The following CLCN4 variants were observed in gnomAD, a reference collection of about 807,000 sequenced individuals.
CLCN4 encodes the protein Cl-/H+ antiporter 4.
In CLCN4, 1 loss-of-function variant was observed where a neutral mutation model predicts 41.7. That is an observed-to-expected ratio of 0.02 (90% CI 0.01 to 0.11). The LOEUF (loss-of-function observed/expected upper bound fraction) is 0.11. CLCN4 is among the 10% of genes least tolerant of loss of function. CLCN4 has a pLI of 1.00. For synonymous variants in CLCN4, 277 were observed against 285.8 expected, an observed-to-expected ratio of 0.97 and a Z score of 0.31; for missense variants, 287 against 661.0, an observed-to-expected ratio of 0.43 and a Z score of 6.20.
At chrX:10,174,307 G>T (rs1923463629) in intron 2 of CLCN4, among the ~76,000 whole-genome samples, 1 of 112,258 alleles carries the variant, frequency 8.9e-6, no homozygotes. Context: ...GGCCAGATTG[G>T]GTTCTGTGCC....
intron 11 of CLCN4, among the ~76,000 whole-genome samples, chrX:10,215,222 T>C (rs1602161567): frequency 8.9e-6 from 1 of 112,299 alleles, no homozygotes; most frequent in East Asian, 2.8e-4. Flanking sequence ...AGGCAACTGC[T>C]TACTTCTCTC....
At position 10,216,086 on chromosome X, in the gene CLCN4, A is replaced by G. The variant is rs16986008; in HGVS notation, c.1975+2007A>G. Among the ~76,000 whole-genome samples the G allele has an allele frequency of 9.7e-3, 1,087 of 111,880 alleles. 18 individuals carry two copies. The highest frequency in any genetic ancestry group is 0.034 in the African/African-American group (1,042 of 30,781). On this transcript the variant is annotated intron_variant, in intron 11 of 12. Transcript: ENST00000380833. ...CATTTTATGAGTATAGAAATATGAC[A>G]GCATTTAGCTAGACACTATCCCATG...
chrX:10,167,372 A>G (rs1923278634), intron 2 of CLCN4, among the ~76,000 whole-genome samples: 1 of 112,011 alleles, frequency 8.9e-6, no homozygotes, highest in African/African-American at 3.3e-5. Flanking sequence ...TGAAAATGAA[A>G]TTCCTGGGGT....
intron 6 of CLCN4, among the ~76,000 whole-genome samples, chrX:10,202,343 C>A (rs377049254): frequency 9.0e-6 from 1 of 111,098 alleles, no homozygotes; most frequent in African/African-American, 3.3e-5. Context: ...CGTGGTGGCA[C>A]GTGCCAGTAA....
At chrX:10,176,441 C>T (rs1482941525) in intron 2 of CLCN4, among the ~76,000 whole-genome samples, 1 of 112,754 alleles carries the variant, frequency 8.9e-6, no homozygotes, top group Admixed American at 9.3e-5. Context: ...GACTATATGG[C>T]ATATGGCCCG....
chrX:10,219,688 T>C (rs1924810508), intron 11 of CLCN4, among the ~76,000 whole-genome samples: 1 of 112,206 alleles, frequency 8.9e-6, no homozygotes, highest in East Asian at 2.8e-4. Flanking sequence ...GAAAGAACAA[T>C]ATAGGTGAAT....
intron 6 of CLCN4, among the ~76,000 whole-genome samples, chrX:10,202,223 C>T (rs1395158842): frequency 9.0e-6 from 1 of 111,005 alleles, no homozygotes; most frequent in Non-Finnish European, 1.9e-5. Context: ...CCTGTAATCC[C>T]AGCACTTTGG....
intron 10 of CLCN4, among the ~76,000 whole-genome samples, chrX:10,213,127 G>A (rs1219270697): frequency 8.9e-6 from 1 of 111,911 alleles, no homozygotes; most frequent in Non-Finnish European, 1.9e-5. Context: ...GGTTGCCTGT[G>A]TACTTGAGGC....
At chrX:10,222,319 T>C (rs910843914) in intron 12 of CLCN4, among the ~76,000 whole-genome samples, 2 of 111,861 alleles carry the variant, frequency 1.8e-5, no homozygotes, top group African/African-American at 6.5e-5. Context: ...CAGGGTAGCC[T>C]GGAACCTAGG....
intron 12 of CLCN4, among the ~76,000 whole-genome samples, chrX:10,227,957 T>C (rs1406159954): frequency 4.5e-5 from 5 of 111,480 alleles, no homozygotes; most frequent in Non-Finnish European, 1.9e-5. Flanking sequence ...TTATTTTTAA[T>C]TTTTGTGGGT....
At chrX:10,216,897 G>GTATATATATATATATA (rs1555977625) in intron 11 of CLCN4, among the ~76,000 whole-genome samples, 269 of 20,793 alleles carry the variant, frequency 0.013, 33 homozygotes, top group African/African-American at 0.02. Context: ...GTGTGTGTGT[G>GTATATATATATATATA]TATATATATA....
At chrX:10,164,321 G>A (rs1923189126) in intron 2 of CLCN4, among the ~76,000 whole-genome samples, 1 of 111,580 alleles carries the variant, frequency 9.0e-6, no homozygotes, top group African/African-American at 3.3e-5. Flanking sequence ...CGTGTGCAAA[G>A]TAGAGCTACC....
Position 10,233,657 on chromosome X carries a change from T to C in CLCN4, c.*73T>C, listed in dbSNP as rs767241334. ...AAAAGAAATAAATGATATGTTATTA[T>C]CCCAATGAAAGATCATGCATTGGGG... is the stretch of plus-strand genomic sequence containing the variant. On this transcript the variant is annotated 3_prime_UTR_variant, in exon 13 of 13. Transcript: ENST00000380833. 12 of 868,832 alleles carry C rather than the reference T, an allele frequency of 1.4e-5. No individual in the cohort carries two copies. The highest frequency in any genetic ancestry group is 1.9e-5 in the Non-Finnish European group (11 of 594,418). 71.6% of individuals were successfully genotyped at this position (868,832 alleles called of 1,213,427 possible). A position where few individuals can be genotyped will look rare whatever the true frequency, so the allele number is the denominator to read the frequency against.
chrX:10,178,215 T>C (rs981848778), intron 2 of CLCN4, among the ~76,000 whole-genome samples: 2 of 111,915 alleles, frequency 1.8e-5, no homozygotes, highest in African/African-American at 6.5e-5. Flanking sequence ...ATAGTGGTGA[T>C]GATTGGACAG....
Position 10,165,309 on chromosome X carries a change from C to T in CLCN4, c.-12+6758C>T, listed in dbSNP as rs73632636. Among the ~76,000 whole-genome samples the T allele has an allele frequency of 7.7e-3, 869 of 112,734 alleles. 5 individuals are homozygous for T. The highest frequency in any genetic ancestry group is 0.026 in the African/African-American group (813 of 31,039). ...CCTTCCTCACAGAGGGGACTTGAAC[C>T]CCTCTTGAAGCTGCAGAAGAGGAGA... On this transcript the variant is annotated intron_variant, in intron 2 of 12. Coordinates refer to ENST00000380833, the MANE Select transcript of CLCN4 (RefSeq NM_001830.4).
chrX:10,184,047 G>T (rs1923749843), intron 2 of CLCN4, among the ~76,000 whole-genome samples: 1 of 112,054 alleles, frequency 8.9e-6, no homozygotes, highest in African/African-American at 3.2e-5. Context: ...AGTCTTGCCA[G>T]CATTTTCACT....
chrX:10,213,579 G>A, intron 10 of CLCN4, 102 bp from the exon 11 acceptor site: 1 of 761,518 alleles, frequency 1.3e-6, no homozygotes, highest in African/African-American at 2.1e-5. Context: ...CTTGGAACAG[G>A]TGTGAGGGGA....
rs1006776284 is a variant in CLCN4 at position 10,235,128 on chromosome X, G to A, written c.*1544G>A. On this transcript the variant is annotated 3_prime_UTR_variant, in exon 13 of 13. Transcript: ENST00000380833. ...ATAACATCATTGGGATCCCCATCCC[G>A]TTGCTATTTCTTTTTCACCGTTTTT... is the stretch of plus-strand genomic sequence containing the variant. The A allele has an allele frequency of 2.7e-5, 3 of 112,382 alleles. No individual in the cohort carries two copies. Among genetic ancestry groups the A allele is most frequent in the African/African-American group, 9.7e-5 (3 of 30,916 alleles). The allele number at this position is 112,382 out of a possible 1,213,427, so 9.3% of individuals were successfully genotyped here.
chrX:10,221,222 A>G (rs1312431562), intron 12 of CLCN4, among the ~76,000 whole-genome samples: 1 of 111,689 alleles, frequency 9.0e-6, no homozygotes, highest in Admixed American at 9.5e-5. Flanking sequence ...AACGTGATGT[A>G]TGCGGTCCTC....
Sources: allele counts gnomAD v4.1 joint callset (sites outside exome capture counted in the v4.1 genomes callset), GRCh38; gene constraint gnomAD v4.1.1; transcripts MANE v1.5; gene names NCBI Gene and HGNC (gene_info 2026-07-23, HGNC 2026-07-21).